ZNF704: variants seen among roughly 807,000 people sequenced by gnomAD.
The protein encoded by ZNF704 is glucocorticoid induced gene 1.
Under a neutral mutation model 44.7 loss-of-function variants are expected in ZNF704, and 10 were observed. The ratio of observed to expected loss-of-function variants is 0.22; its 90% confidence interval spans 0.14 to 0.38. The LOEUF (loss-of-function observed/expected upper bound fraction) is 0.38. Ranked by LOEUF, ZNF704 falls within the 10% of genes least tolerant of loss-of-function variation. The pLI, the probability that ZNF704 is intolerant of heterozygous loss-of-function variation, is 1.00. For missense variants in ZNF704, 390 were observed against 545.5 expected, an observed-to-expected ratio of 0.71 and a Z score of 2.84; for synonymous variants, 211 against 207.6, an observed-to-expected ratio of 1.02 and a Z score of -0.14.
At chr8:80,656,718 G>A (rs1197377892) in intron 7 of ZNF704, among the ~76,000 whole-genome samples, 1 of 152,114 alleles carries the variant, frequency 6.6e-6, no homozygotes, top group Non-Finnish European at 1.5e-5. Flanking sequence ...TCAGAAAGGG[G>A]TTTTTCTCAC....
intron 2 of ZNF704, chr8:80,694,338 T>C (rs1044494233): frequency 1.3e-5 from 2 of 152,206 alleles, no homozygotes; most frequent in African/African-American, 4.8e-5. Flanking sequence ...ATTATGATCA[T>C]GGTGACCGGA....
chr8:80,821,583 T>A lies in ZNF704; in HGVS notation c.12A>T (p.Thr4=). The change falls in exon 2 of 9, where the codon ACA becomes ACT. Residue 4 remains threonine, a synonymous_variant. Coordinates refer to ENST00000327835, the MANE Select transcript of ZNF704 (RefSeq NM_001033723.3). MTF[T]FQSEDLKRDC... ...CACGTTTTAAGTCCTCTGACTGAAA[T>A]GTGAAGGTCATTTCCCGCTTAATGC... 6.2e-7 allele frequency: 1 copy of A among 1,613,388 alleles called. No individual in the cohort carries two copies. Among genetic ancestry groups the A allele is most frequent in the East Asian group, 2.2e-5 (1 of 44,884 alleles).
chr8:80,878,705 C>G (rs573795853), upstream of ZNF704, among the ~76,000 whole-genome samples: 89 of 152,316 alleles, frequency 5.8e-4, no homozygotes, highest in African/African-American at 2.1e-3. Context: ...GAAAGCCTGT[C>G]TAAGTCAAGC....
chr8:80,741,904 G>C (rs1806764054), intron 2 of ZNF704, among the ~76,000 whole-genome samples: 1 of 152,156 alleles, frequency 6.6e-6, no homozygotes, highest in Non-Finnish European at 1.5e-5. Context: ...CTAGCATTCA[G>C]CTGGCAAAAC....
chr8:80,861,062 G>C lies in ZNF704; in HGVS notation c.-22+13509C>G, dbSNP rs183629751. Among the ~76,000 whole-genome samples, 402 of 152,300 alleles carry C rather than the reference G, an allele frequency of 2.6e-3. 1 individual carries two copies. Among genetic ancestry groups the C allele is most frequent in the Middle Eastern group, 6.8e-3 (2 of 294 alleles). ...CAGGGACTCTTCTGCTGATGCAAAA[G>C]ACCAATGTCAAAGTAGCCACAAGAC... On this transcript the variant is annotated intron_variant, in intron 1 of 8. Transcript: ENST00000327835.
intron 1 of ZNF704, among the ~76,000 whole-genome samples, chr8:80,847,745 T>C (rs1054544294): frequency 7.2e-5 from 11 of 152,298 alleles, no homozygotes; most frequent in Middle Eastern, 3.4e-3. Context: ...GTCTGAAGCA[T>C]TGAACCTCCA....
Position 80,643,069 on chromosome 8 carries a change from G to A in ZNF704, c.1093C>T (p.Leu365=). Residue 365 remains leucine (L), a synonymous_variant, in exon 8 of 9, where the codon CTG becomes TTG. Coordinates refer to ENST00000327835, the MANE Select transcript of ZNF704 (RefSeq NM_001033723.3). ...ACTGTGCCTCTGGGTGGGGAGGACA[G>A]GACCGTGTGCGCATGCTGTCTCTGC... ...GEQRQHAHTV[L]SSPPRGTVSL... is the part of the protein sequence containing the mutation. The A allele has an allele frequency of 1.2e-6, 2 of 1,603,540 alleles. No individual in the cohort carries two copies. The highest frequency in any genetic ancestry group is 1.7e-6 in the Non-Finnish European group (2 of 1,174,892).
intron 2 of ZNF704, among the ~76,000 whole-genome samples, chr8:80,745,553 A>G (rs1806830212): frequency 6.6e-6 from 1 of 152,226 alleles, no homozygotes; most frequent in East Asian, 1.9e-4. Context: ...TACCTCAACC[A>G]AAGTTTTAAG....
At chr8:80,758,312 T>C (rs1240676542) in intron 2 of ZNF704, among the ~76,000 whole-genome samples, 1 of 152,168 alleles carries the variant, frequency 6.6e-6, no homozygotes, top group Non-Finnish European at 1.5e-5. Flanking sequence ...TGGGCCTTTA[T>C]TCTACCTTCA....
At chr8:80,726,428 C>G (rs544001671) in intron 2 of ZNF704, among the ~76,000 whole-genome samples, 1 of 152,132 alleles carries the variant, frequency 6.6e-6, no homozygotes, top group African/African-American at 2.4e-5. Flanking sequence ...TGAAGATGAA[C>G]TGGACATTGG....
At chr8:80,795,783 T>C (rs934641884) in intron 2 of ZNF704, among the ~76,000 whole-genome samples, 3 of 152,138 alleles carry the variant, frequency 2.0e-5, no homozygotes, top group African/African-American at 7.2e-5. Flanking sequence ...TCAACTGTTA[T>C]TCCACCATTT....
At chr8:80,729,107 GGAAAA>G (rs1370818590) in intron 2 of ZNF704, among the ~76,000 whole-genome samples, 1 of 152,020 alleles carries the variant, frequency 6.6e-6, no homozygotes, top group Admixed American at 6.6e-5. Flanking sequence ...AGGGTTTTAG[GGAAAA>G]GAAAAGTAAA....
At chr8:80,667,535 A>T (rs141251990) in intron 5 of ZNF704, among the ~76,000 whole-genome samples, 2 of 152,276 alleles carry the variant, frequency 1.3e-5, no homozygotes, top group African/African-American at 4.8e-5. Context: ...GTGTTTACTC[A>T]TCGTTTTGTT....
chr8:80,733,047 T>C (rs1469212469), intron 2 of ZNF704, among the ~76,000 whole-genome samples: 1 of 152,032 alleles, frequency 6.6e-6, no homozygotes, highest in Non-Finnish European at 1.5e-5. Flanking sequence ...AAATGATTTT[T>C]GCTGCTTTAA....
intron 1 of ZNF704, among the ~76,000 whole-genome samples, chr8:80,839,625 T>C (rs569234567): frequency 6.6e-5 from 10 of 152,306 alleles, no homozygotes; most frequent in African/African-American, 2.2e-4. Context: ...AGAGAGTAGA[T>C]AGAAATGACT....
At chr8:80,714,100 C>T (rs575741279) in intron 2 of ZNF704, among the ~76,000 whole-genome samples, 8 of 152,274 alleles carry the variant, frequency 5.3e-5, no homozygotes, top group Non-Finnish European at 7.3e-5. Context: ...GTAACAAGCG[C>T]GATCTTGCAG....
chr8:80,813,603 C>T (rs189588339), intron 2 of ZNF704, among the ~76,000 whole-genome samples: 3 of 152,210 alleles, frequency 2.0e-5, no homozygotes, highest in East Asian at 1.9e-4. Context: ...AGAGGCCGGG[C>T]GCGGTGGCTC....
chr8:80,792,067 A>G (rs1476167942), intron 2 of ZNF704, among the ~76,000 whole-genome samples: 1 of 152,210 alleles, frequency 6.6e-6, no homozygotes, highest in Non-Finnish European at 1.5e-5. Context: ...ATGTGGAGGT[A>G]GGAAAGAAAA....
At chr8:80,853,435 C>G (rs1457333004) in intron 1 of ZNF704, among the ~76,000 whole-genome samples, 1 of 151,558 alleles carries the variant, frequency 6.6e-6, no homozygotes, top group African/African-American at 2.4e-5. Flanking sequence ...TTTTTCTTTC[C>G]AGGACTTTAA....
Sources: allele counts gnomAD v4.1 joint callset (sites outside exome capture counted in the v4.1 genomes callset), GRCh38; gene constraint gnomAD v4.1.1; transcripts MANE v1.5; gene names NCBI Gene and HGNC (gene_info 2026-07-23, HGNC 2026-07-21).